HIPK3: variants seen among roughly 807,000 people sequenced by gnomAD.
HIPK3 encodes the protein homeodomain-interacting protein kinase 3.
HIPK3 carries 47 observed loss-of-function variants against 124.2 expected under a neutral mutation model. The observed-to-expected ratio is 0.38, with a 90% CI of 0.30 to 0.48. HIPK3 has a LOEUF of 0.48. Ranked by LOEUF, HIPK3 falls within the 20% of genes least tolerant of loss-of-function variation. HIPK3 has a pLI of 0.98. For synonymous variants in HIPK3, 482 were observed against 515.2 expected, an observed-to-expected ratio of 0.94 and a Z score of 0.87; for missense variants, 1,286 against 1,454.3, an observed-to-expected ratio of 0.88 and a Z score of 1.88.
At position 33,353,498 on chromosome 11, in the gene HIPK3, T is replaced by C. The variant is rs780717002; in HGVS notation, c.3578T>C (p.Ile1193Thr). Reference protein sequence around the residue: ...YKPIFPPHSYIAASPAYTGFP... With the variant: ...YKPIFPPHSYTAASPAYTGFP... ...CCAATCTTCCCACCACATTCTTACA[T>C]TGCAGCATCACCTGCATATACTGGA... The change falls in exon 17 of 17, where the codon ATT (isoleucine) becomes ACT (threonine). Residue 1193 changes from isoleucine (I) to threonine (T), a missense_variant. Ile to Thr is a moderately conservative substitution (Grantham distance 89). Coordinates refer to ENST00000303296, the MANE Select transcript of HIPK3 (RefSeq NM_005734.5). 2 of 1,613,990 alleles carry C rather than the reference T, an allele frequency of 1.2e-6. No homozygotes were observed. Among genetic ancestry groups the C allele is most frequent in the Non-Finnish European group, 1.7e-6 (2 of 1,179,974 alleles).
At chr11:33,346,959 T>G (rs1307706156) in intron 8 of HIPK3, among the ~76,000 whole-genome samples, 1 of 152,002 alleles carries the variant, frequency 6.6e-6, no homozygotes, top group Non-Finnish European at 1.5e-5. Context: ...GAGGCCGAGG[T>G]AGGAGGATCT....
chr11:33,281,489 G>A (rs770254218), intron 1 of HIPK3, among the ~76,000 whole-genome samples: 5 of 151,926 alleles, frequency 3.3e-5, no homozygotes, highest in Non-Finnish European at 7.4e-5. Flanking sequence ...GTTTTAATAG[G>A]TTCCACAGAT....
intron 1 of HIPK3, among the ~76,000 whole-genome samples, chr11:33,262,907 TC>T (rs1473277141): frequency 6.6e-6 from 1 of 152,168 alleles, no homozygotes; most frequent in Non-Finnish European, 1.5e-5. Context: ...AGCCTCAACC[TC>T]CTGAGCTCAG....
intron 1 of HIPK3, among the ~76,000 whole-genome samples, chr11:33,285,304 T>G (rs1202438927): frequency 2.3e-5 from 3 of 131,860 alleles, no homozygotes; most frequent in Non-Finnish European, 3.2e-5. Flanking sequence ...TTTGAAAATA[T>G]GATTTGAAAA....
At position 33,351,714 on chromosome 11, in the gene HIPK3, G is replaced by A. The variant is rs1853664942; in HGVS notation, c.2914G>A (p.Asp972Asn). Residue 972 changes from aspartate (D) to asparagine (N), a missense_variant, in exon 15 of 17, where the codon GAC becomes AAC. Physicochemically the swap from Asp to Asn is conservative, Grantham distance 23. Transcript: ENST00000303296. ...SPFAESTFVE[D>N]THENTELVSS... ...ATTTGCAGAGAGCACTTTTGTGGAG[G>A]ACACTCATGAAAACACAGAATTGGT... is the stretch of plus-strand genomic sequence containing the variant. The A allele has an allele frequency of 6.2e-7, 1 of 1,614,022 alleles. No homozygotes were observed. Among genetic ancestry groups the A allele is most frequent in the South Asian group, 1.1e-5 (1 of 91,086 alleles).
At chr11:33,332,211 A>G (rs1027858054) in intron 3 of HIPK3, among the ~76,000 whole-genome samples, 2 of 152,160 alleles carry the variant, frequency 1.3e-5, no homozygotes, top group African/African-American at 4.8e-5. Context: ...TGGATTTTAG[A>G]TTCTGTAAGT....
At chr11:33,308,166 TTTA>T (rs1317831780) in intron 2 of HIPK3, among the ~76,000 whole-genome samples, 1 of 152,226 alleles carries the variant, frequency 6.6e-6, no homozygotes, top group Non-Finnish European at 1.5e-5. Context: ...CTGAGCACCA[TTTA>T]TTATTCTACT....
chr11:33,336,218 C>G (rs1853143565), intron 3 of HIPK3, among the ~76,000 whole-genome samples: 1 of 152,036 alleles, frequency 6.6e-6, no homozygotes, highest in South Asian at 2.1e-4. Context: ...AGCAAGAGAG[C>G]CATACAGATA....
intron 2 of HIPK3, among the ~76,000 whole-genome samples, chr11:33,323,418 A>G (rs948539885): frequency 6.6e-6 from 1 of 152,010 alleles, no homozygotes; most frequent in African/African-American, 2.4e-5. Context: ...TAATTTTTGT[A>G]TTTTAGTAGA....
intron 12 of HIPK3, 124 bp downstream of exon 12, chr11:33,348,352 A>C: frequency 9.8e-7 from 1 of 1,020,994 alleles, no homozygotes; most frequent in Non-Finnish European, 1.4e-6. Flanking sequence ...GTCTACATGG[A>C]TATTTCTAGA....
intron 2 of HIPK3, among the ~76,000 whole-genome samples, chr11:33,295,258 GA>G (rs1428086386): frequency 6.6e-6 from 1 of 151,098 alleles, no homozygotes; most frequent in Non-Finnish European, 1.5e-5. Context: ...CTGCCACCTG[GA>G]GAGAAGCAGC....
At chr11:33,337,045 A>G in intron 3 of HIPK3, 30 bp from the exon 4 acceptor site, 1 of 1,539,322 alleles carries the variant, frequency 6.5e-7, no homozygotes, top group Non-Finnish European at 8.9e-7. Flanking sequence ...TGAAAGAATA[A>G]ACTATTCTGT....
At chr11:33,335,185 G>C (rs1166421152) in intron 3 of HIPK3, among the ~76,000 whole-genome samples, 1 of 152,172 alleles carries the variant, frequency 6.6e-6, no homozygotes, top group African/African-American at 2.4e-5. Flanking sequence ...GTCCAGCCAG[G>C]TTGAAAGTTT....
At chr11:33,327,900 C>G (rs1852858439) in intron 2 of HIPK3, among the ~76,000 whole-genome samples, 1 of 152,096 alleles carries the variant, frequency 6.6e-6, no homozygotes, top group African/African-American at 2.4e-5. Flanking sequence ...GTACATTTCC[C>G]AAATGACCAA....
intron 1 of HIPK3, among the ~76,000 whole-genome samples, chr11:33,281,617 C>G (rs1021785708): frequency 2.6e-5 from 4 of 152,090 alleles, no homozygotes; most frequent in Non-Finnish European, 5.9e-5. Flanking sequence ...GCAAAGAAAC[C>G]CTCAATTTCT....
At chr11:33,302,986 A>G (rs1489880183) in intron 2 of HIPK3, among the ~76,000 whole-genome samples, 7 of 152,210 alleles carry the variant, frequency 4.6e-5, no homozygotes, top group Non-Finnish European at 5.9e-5. Flanking sequence ...TTAATTCTGT[A>G]CACTGTAGCT....
chr11:33,286,283 C>CT (rs1173960371), intron 1 of HIPK3, 130 bp from the exon 2 acceptor site: 22 of 834,518 alleles, frequency 2.6e-5, no homozygotes, highest in Non-Finnish European at 3.5e-5. Flanking sequence ...AAATTAATTA[C>CT]TTTTTTACAA....
At chr11:33,311,837 T>TAC (rs370396153) in intron 2 of HIPK3, among the ~76,000 whole-genome samples, 5,371 of 104,446 alleles carry the variant, frequency 0.051, 291 homozygotes, top group East Asian at 0.094. Context: ...ACCCTGTTTC[T>TAC]ACACACACAC....
At chr11:33,331,083 A>G (rs1433570107) in intron 3 of HIPK3, among the ~76,000 whole-genome samples, 1 of 151,892 alleles carries the variant, frequency 6.6e-6, no homozygotes, top group African/African-American at 2.4e-5. Context: ...GGGTTTCATC[A>G]TATTGACGAG....
Sources: allele counts gnomAD v4.1 joint callset (sites outside exome capture counted in the v4.1 genomes callset), GRCh38; gene constraint gnomAD v4.1.1; transcripts MANE v1.5; gene names NCBI Gene and HGNC (gene_info 2026-07-23, HGNC 2026-07-21).